The following FAM135B variants were observed in gnomAD, a reference collection of about 807,000 sequenced individuals.
FAM135B encodes the protein protein FAM135B.
A neutral mutation model predicts 127.7 loss-of-function variants in FAM135B; 43 were observed. The observed-to-expected ratio is 0.34, with a 90% CI of 0.26 to 0.43. The LOEUF is 0.43. Among genes scored for constraint, FAM135B ranks in the 20% least tolerant of loss-of-function variants. FAM135B has a pLI of 1.00. For missense variants in FAM135B, 1,558 were observed against 1,725.6 expected, an observed-to-expected ratio of 0.90 and a Z score of 1.72; for synonymous variants, 670 against 665.1, an observed-to-expected ratio of 1.01 and a Z score of -0.11.
In FAM135B at chr8:138,283,665, T is replaced by A. The variant is rs186207567; in HGVS notation, c.158-17823A>T. Among the ~76,000 whole-genome samples the A allele has an allele frequency of 7.0e-4, 106 of 151,984 alleles. 1 individual carries two copies. The highest frequency in any genetic ancestry group is 2.4e-3 in the African/African-American group (101 of 41,484). On this transcript the variant is annotated intron_variant, in intron 3 of 19. Transcript: ENST00000395297. Reference sequence around the variant, plus strand: ...AATGTTCCGCTCTAATGGGAGATGTTGATAATGGGGGAGGCCTTAGTCGAA... The same window carrying A: ...AATGTTCCGCTCTAATGGGAGATGTAGATAATGGGGGAGGCCTTAGTCGAA...
At chr8:138,314,926 A>T (rs1382750572) in intron 2 of FAM135B, among the ~76,000 whole-genome samples, 1 of 151,184 alleles carries the variant, frequency 6.6e-6, no homozygotes, top group Non-Finnish European at 1.5e-5. Flanking sequence ...TTTTATACAA[A>T]TAGAGAAAAT....
chr8:138,232,785 A>T lies in FAM135B; in HGVS notation c.669+10157T>A, dbSNP rs892370047. Among the ~76,000 whole-genome samples the T allele has an allele frequency of 5.3e-5, 8 of 152,154 alleles. No individual in the cohort carries two copies. The East Asian group carries it at 1.3e-3, about 26-fold the overall frequency. Reference sequence around the variant, plus strand: ...ACTTATTTTTTATTTCATTTTTTAAAATGCCAGTAAAAACTTTTAATTTGA... The same window carrying T: ...ACTTATTTTTTATTTCATTTTTTAATATGCCAGTAAAAACTTTTAATTTGA... On this transcript the variant is annotated intron_variant, in intron 7 of 19. Transcript: ENST00000395297.
intron 12 of FAM135B, among the ~76,000 whole-genome samples, chr8:138,157,262 A>T (rs1407716775): frequency 6.6e-6 from 1 of 152,226 alleles, no homozygotes; most frequent in Non-Finnish European, 1.5e-5. Context: ...CATGCTAAAA[A>T]TTCTCAATAA....
chr8:138,136,024 C>T (rs1038237195), intron 19 of FAM135B, among the ~76,000 whole-genome samples: 20 of 151,968 alleles, frequency 1.3e-4, no homozygotes, highest in Admixed American at 3.9e-4. Flanking sequence ...ATGAGTTTGA[C>T]TTTTTCAAAT....
In FAM135B at chr8:138,151,710, C is replaced by T. The variant is rs188971685; in HGVS notation, c.2765G>A (p.Gly922Asp). 1.9e-6 allele frequency: 3 copies of T among 1,614,170 alleles called. No individual in the cohort carries two copies. Among genetic ancestry groups the T allele is most frequent in the African/African-American group, 1.3e-5 (1 of 75,038 alleles). Reference sequence around the variant, plus strand: ...AGAGAGACCCTCAACCTCTGAGATGCCACTGTTGGAAAGAGCTTGCTGACC... The same window carrying T: ...AGAGAGACCCTCAACCTCTGAGATGTCACTGTTGGAAAGAGCTTGCTGACC... Reference protein sequence around the residue: ...NVGQQALSNSGISEVEGLSQH... With the variant: ...NVGQQALSNSDISEVEGLSQH... The change falls in exon 13 of 20, where the codon GGC becomes GAC. Residue 922 changes from glycine to aspartate, a missense_variant. By Grantham distance (94) the Gly-to-Asp change is moderately conservative. Around this residue, in one of 5 missense-constraint regions of FAM135B, gnomAD observed 923 missense variants for 865.3 expected, o/e 1.07. Coordinates refer to ENST00000395297, the MANE Select transcript of FAM135B (RefSeq NM_015912.4).
intron 14 of FAM135B, among the ~76,000 whole-genome samples, chr8:138,147,907 T>C (rs1046391622): frequency 5.9e-5 from 9 of 152,204 alleles, no homozygotes; most frequent in Non-Finnish European, 8.8e-5. Context: ...ATCGAGCTGA[T>C]GAGTGAGAAA....
intron 19 of FAM135B, among the ~76,000 whole-genome samples, chr8:138,136,178 C>T (rs1816646151): frequency 6.6e-6 from 1 of 151,434 alleles, no homozygotes; most frequent in South Asian, 2.1e-4. Context: ...CATCAAAATT[C>T]CTGTTGGATT....
chr8:138,141,092 AG>A lies in FAM135B; in HGVS notation c.3790+105del. On this transcript the variant is annotated intron_variant, in intron 17 of 19. Transcript: ENST00000395297. This position sits in a 1 kb window ranked among gnomAD's most constrained non-coding sequence, Gnocchi z 4.7. Reference sequence around the variant, plus strand: ...CCTCCCTCCATGCCATGCTTGGAAAAGACTGCACAGTCACAGGGTTCCAAGT... The same window carrying A: ...CCTCCCTCCATGCCATGCTTGGAAAAACTGCACAGTCACAGGGTTCCAAGT... The A allele has an allele frequency of 2.7e-6, 3 of 1,109,828 alleles. No homozygotes were observed. The South Asian group carries it at 4.6e-5, about 17-fold the overall frequency. The allele number at this position is 1,109,828 out of a possible 1,614,324, so 68.7% of individuals were successfully genotyped here.
rs1817850704 is a variant in FAM135B, at chr8:138,148,585, G to C, written c.3383C>G (p.Pro1128Arg). The C allele has an allele frequency of 1.2e-6, 2 of 1,613,520 alleles. No homozygotes were observed. The highest frequency in any genetic ancestry group is 1.7e-6 in the Non-Finnish European group (2 of 1,179,484). The part of the protein sequence containing the change: ...VLASDIPYFP[P>R]EEEEENLEDG... ...TTCCAAATTTTCTTCCTCTTCCTCTGGTGGGAAATATGGTATATCAGAAGC... is the reference window on the plus strand; with the variant it reads ...TTCCAAATTTTCTTCCTCTTCCTCTCGTGGGAAATATGGTATATCAGAAGC... Residue 1128 changes from proline (P) to arginine (R), a missense_variant, in exon 14 of 20, where the codon CCA becomes CGA. By Grantham distance (103) the Pro-to-Arg change is moderately radical (BLOSUM62 -2). This residue lies in a region of FAM135B where 923 missense variants were observed against 865.3 expected (regional missense o/e 1.07). Transcript: ENST00000395297.
At chr8:138,238,419 AG>A (rs1171866175) in intron 7 of FAM135B, among the ~76,000 whole-genome samples, 2 of 152,138 alleles carry the variant, frequency 1.3e-5, no homozygotes, top group African/African-American at 2.4e-5. Flanking sequence ...TCAGATGCAG[AG>A]GGAACATAAG....
chr8:138,290,448 A>G (rs901519492), intron 3 of FAM135B, among the ~76,000 whole-genome samples: 1 of 151,976 alleles, frequency 6.6e-6, no homozygotes, highest in Admixed American at 6.6e-5. Context: ...TCTATCTTTA[A>G]CTTTTGCCTT....
At chr8:138,298,205 G>T (rs1264965081) in intron 3 of FAM135B, among the ~76,000 whole-genome samples, 1 of 152,142 alleles carries the variant, frequency 6.6e-6, no homozygotes, top group African/African-American at 2.4e-5. Flanking sequence ...CACTCAGTAG[G>T]AGTGATCTGC....
chr8:138,447,810 T>TAAA (rs11405476), intron 1 of FAM135B, among the ~76,000 whole-genome samples: 6 of 144,294 alleles, frequency 4.2e-5, no homozygotes, highest in African/African-American at 1.5e-4. Flanking sequence ...AGTATAATAA[T>TAAA]AAAAAAAAAA....
chr8:138,151,045 G>T, intron 13 of FAM135B, 149 bp downstream of exon 13: 1 of 413,068 alleles, frequency 2.4e-6, no homozygotes, highest in Non-Finnish European at 4.1e-6. Flanking sequence ...AAATATATAT[G>T]ATATATTATC....
chr8:138,316,161 A>C (rs1299404746), intron 2 of FAM135B, among the ~76,000 whole-genome samples: 1 of 152,280 alleles, frequency 6.6e-6, no homozygotes, highest in Non-Finnish European at 1.5e-5. Flanking sequence ...TACATACAAT[A>C]AAATAAATGT....
chr8:138,312,550 A>G (rs1826769626), intron 2 of FAM135B, among the ~76,000 whole-genome samples: 4 of 152,198 alleles, frequency 2.6e-5, no homozygotes, highest in Admixed American at 1.3e-4. Context: ...TTATACAAAA[A>G]AAAGCCCTCT....
intron 1 of FAM135B, among the ~76,000 whole-genome samples, chr8:138,375,133 CA>C (rs11465051): frequency 6.1e-5 from 9 of 147,276 alleles, no homozygotes; most frequent in African/African-American, 9.9e-5. Context: ...CCAGCTCTGG[CA>C]AAAAAAAAAC....
intron 1 of FAM135B, among the ~76,000 whole-genome samples, chr8:138,445,332 C>G (rs528736408): frequency 6.6e-6 from 1 of 152,290 alleles, no homozygotes; most frequent in Admixed American, 6.5e-5. Context: ...ATACCAAAGC[C>G]TGGCAGAGAC....
chr8:138,179,837 T>A (rs1049737675), intron 9 of FAM135B, among the ~76,000 whole-genome samples: 1 of 152,060 alleles, frequency 6.6e-6, no homozygotes, highest in Non-Finnish European at 1.5e-5. Flanking sequence ...TACAGGTGCA[T>A]GCCACTGCAC....
Sources: gnomAD v4.1 joint callset for allele counts (sites outside exome capture counted in the v4.1 genomes callset) on GRCh38, gnomAD v4.1.1 for gene constraint, gnomAD v4.1.1 regional missense constraint, Gnocchi (gnomAD v3.1) non-coding constraint, MANE v1.5 for transcripts, NCBI Gene and HGNC (gene_info 2026-07-23, HGNC 2026-07-21) for gene names.